Variants in POF1B observed in about 807,000 individuals in gnomAD.
POF1B encodes the protein POF1B actin binding protein.
A neutral mutation model predicts 55.3 loss-of-function variants in POF1B; 53 were observed. The observed-to-expected ratio is 0.96, with a 90% CI of 0.77 to 1.20. The LOEUF (loss-of-function observed/expected upper bound fraction) is 1.20, where lower values mean the gene tolerates loss of function less well. Among genes scored for constraint, POF1B ranks in the 50% most tolerant of loss-of-function variants. POF1B has a pLI of 0.00. For missense variants in POF1B, 478 were observed against 420.5 expected (o/e 1.14, Z -1.20); for synonymous variants, 188 against 148.3 (o/e 1.27, Z -1.95).
chrX:85,324,969 T>A (rs184523988), intron 7 of POF1B, among the ~76,000 whole-genome samples: 107 of 111,888 alleles, frequency 9.6e-4, no homozygotes, highest in Admixed American at 4.1e-3. Flanking sequence ...TGGCCAGATG[T>A]GAAATTCTTG....
At chrX:85,370,376 T>C (rs1156630854) in intron 2 of POF1B, among the ~76,000 whole-genome samples, 2 of 111,991 alleles carry the variant, frequency 1.8e-5, no homozygotes, top group African/African-American at 6.5e-5. Context: ...TTATTAAAAT[T>C]GATCATCTAG....
In POF1B at chrX:85,343,249, A is replaced by G. The variant is rs185303042; in HGVS notation, c.723+2611T>C. On this transcript the variant is annotated intron_variant, in intron 6 of 16. Transcript: ENST00000262753. Reference sequence around the variant, plus strand: ...GAATTTAATAAAATTAAAGAAAAAAATCCTCCAGCCTTTACAGAAGCTACA... The same window carrying G: ...GAATTTAATAAAATTAAAGAAAAAAGTCCTCCAGCCTTTACAGAAGCTACA... Among the ~76,000 whole-genome samples the G allele has an allele frequency of 5.4e-5, 6 of 111,086 alleles. No homozygotes were observed. In the East Asian group the frequency reaches 1.7e-3, roughly 32 times the overall value.
chrX:85,296,141 A>G (rs1287768974), intron 15 of POF1B, among the ~76,000 whole-genome samples: 1 of 111,565 alleles, frequency 9.0e-6, no homozygotes, highest in African/African-American at 3.3e-5. Flanking sequence ...TGCCTGGGAG[A>G]TGGGTCTCTT....
At chrX:85,283,974 A>C in intron 15 of POF1B, among the ~76,000 whole-genome samples, 1 of 111,495 alleles carries the variant, frequency 9.0e-6, no homozygotes, top group Non-Finnish European at 1.9e-5. Flanking sequence ...AGGATACAAA[A>C]TCAATGTGCA....
chrX:85,304,513 A>T, intron 13 of POF1B, 42 bp from the exon 14 acceptor site: 1 of 862,834 alleles, frequency 1.2e-6, no homozygotes, highest in East Asian at 4.2e-5. Context: ...TAATCTTCAT[A>T]TAGAAAATGT....
At chrX:85,363,744 C>T (rs1369928810) in intron 3 of POF1B, among the ~76,000 whole-genome samples, 2 of 110,978 alleles carry the variant, frequency 1.8e-5, no homozygotes, top group African/African-American at 3.3e-5. Context: ...AGGAGAGTTC[C>T]GTAGAGGTCT....
chrX:85,282,154 C>A, intron 16 of POF1B, 49 bp downstream of exon 16: 1 of 1,118,731 alleles, frequency 8.9e-7, no homozygotes. Context: ...TTTTAAAAGG[C>A]TGTACATATA....
At chrX:85,306,444 T>A in intron 11 of POF1B, 111 bp from the exon 12 acceptor site, 1 of 769,209 alleles carries the variant, frequency 1.3e-6, no homozygotes. Context: ...CTATGCCCAG[T>A]TTTCTTATAC....
intron 3 of POF1B, among the ~76,000 whole-genome samples, chrX:85,366,388 A>G (rs1164337196): frequency 8.9e-6 from 1 of 111,819 alleles, no homozygotes; most frequent in East Asian, 2.8e-4. Flanking sequence ...AGAAAACACA[A>G]CAAAATATAA....
At chrX:85,358,512 C>T (rs771211627) in intron 4 of POF1B, among the ~76,000 whole-genome samples, 5 of 111,078 alleles carry the variant, frequency 4.5e-5, no homozygotes, top group Non-Finnish European at 7.6e-5. Context: ...GGATTATGTC[C>T]ACTAATGGAA....
rs1396767623 is a variant in POF1B at position 85,321,306 on chromosome X, G to C, written c.855-5572C>G. Among the ~76,000 whole-genome samples the C allele has an allele frequency of 2.9e-4, 32 of 110,889 alleles. No individual in the cohort carries two copies. The Admixed American group carries it at 3.0e-3, about 10-fold the overall frequency. On this transcript the variant is annotated intron_variant, in intron 7 of 16. Coordinates refer to ENST00000262753, the MANE Select transcript of POF1B (RefSeq NM_024921.4). ...GTTCAATATATGGAAATCAATAAAT[G>C]TAATACAGCATATAAACAGAACCAA...
At chrX:85,333,729 C>T (rs960921623) in intron 6 of POF1B, among the ~76,000 whole-genome samples, 1 of 111,071 alleles carries the variant, frequency 9.0e-6, no homozygotes, top group Non-Finnish European at 1.9e-5. Flanking sequence ...CTAAACTGAA[C>T]TCCTTATAGA....
rs187068988 is a variant in POF1B, at chrX:85,359,130, C to T, written c.438+420G>A. ...TTTTTAACCTTTGACCTTTAATTTT[C>T]ATCTTCCTAGTCCATATCTCCATGG... On this transcript the variant is annotated intron_variant, in intron 4 of 16. Coordinates refer to ENST00000262753, the MANE Select transcript of POF1B (RefSeq NM_024921.4). Among the ~76,000 whole-genome samples the T allele has an allele frequency of 4.7e-5, 5 of 105,891 alleles. No homozygotes were observed. In the East Asian group the frequency reaches 1.5e-3, roughly 32 times the overall value. 92.0% of individuals were successfully genotyped at this position (105,891 alleles called of 115,157 possible). A position where few individuals can be genotyped will look rare whatever the true frequency, so the allele number is the denominator to read the frequency against.
At chrX:85,280,664 A>AAAG (rs2147886443) in intron 16 of POF1B, among the ~76,000 whole-genome samples, 1 of 111,288 alleles carries the variant, frequency 9.0e-6, no homozygotes, top group East Asian at 2.9e-4. Flanking sequence ...ATAAGAAGTC[A>AAAG]AAGGCTGTCA....
intron 5 of POF1B, among the ~76,000 whole-genome samples, chrX:85,346,515 T>G: frequency 9.1e-6 from 1 of 110,284 alleles, no homozygotes; most frequent in Non-Finnish European, 1.9e-5. Flanking sequence ...GTTCTTATCC[T>G]TATGAAACTT....
intron 5 of POF1B, among the ~76,000 whole-genome samples, chrX:85,348,083 C>G (rs1195447783): frequency 9.0e-6 from 1 of 110,754 alleles, no homozygotes; most frequent in Non-Finnish European, 1.9e-5. Flanking sequence ...AAAACTGTTT[C>G]TTAAAAATCT....
At chrX:85,310,072 C>G (rs1932663634) in intron 9 of POF1B, among the ~76,000 whole-genome samples, 1 of 111,557 alleles carries the variant, frequency 9.0e-6, no homozygotes, top group Non-Finnish European at 1.9e-5. Context: ...TAAAAATGGC[C>G]AGGTCTCCCA....
At chrX:85,320,821 C>T (rs1258420175) in intron 7 of POF1B, among the ~76,000 whole-genome samples, 11 of 111,500 alleles carry the variant, frequency 9.9e-5, no homozygotes, top group African/African-American at 3.3e-4. Flanking sequence ...CACCTCTACA[C>T]AAATAAACTA....
At chrX:85,356,892 G>T (rs751570972) in intron 4 of POF1B, among the ~76,000 whole-genome samples, 13 of 110,791 alleles carry the variant, frequency 1.2e-4, no homozygotes, top group South Asian at 7.7e-4. Flanking sequence ...CTACTTTACG[G>T]TTCCCAGGCC....
Sources: allele counts gnomAD v4.1 joint callset (sites outside exome capture counted in the v4.1 genomes callset), GRCh38; gene constraint gnomAD v4.1.1; transcripts MANE v1.5; gene names NCBI Gene and HGNC (gene_info 2026-07-23, HGNC 2026-07-21).